The following POU3F3 variants were observed in gnomAD, a reference collection of about 807,000 sequenced individuals.
POU3F3 encodes the protein POU domain, class 3, transcription factor 3.
A neutral mutation model predicts 8.6 loss-of-function variants in POU3F3; 1 was observed. The ratio of observed to expected loss-of-function variants is 0.12; its 90% CI spans 0.04 to 0.55. POU3F3 has a LOEUF of 0.55. Among genes scored for constraint, POU3F3 ranks in the 20% least tolerant of loss-of-function variants. The probability of loss-of-function intolerance (pLI) is 0.91; values close to 1 mark genes in which losing one functional copy is unlikely to be tolerated. For synonymous variants in POU3F3, 418 were observed against 327.4 expected, an observed-to-expected ratio of 1.28 and a Z score of -2.99; for missense variants, 577 against 690.7, an observed-to-expected ratio of 0.84 and a Z score of 1.84.
the POU3F3 span, among the ~76,000 whole-genome samples, chr2:104,877,984 C>T: frequency 3.3e-5 from 5 of 152,208 alleles, no homozygotes; most frequent in Non-Finnish European, 7.3e-5. Context: ...TGTACAATGA[C>T]CCTTCTTCCC....
Position 104,857,912 on chromosome 2 carries a change from C to A in POU3F3, c.*899C>A, listed in dbSNP as rs1388784873. On this transcript the variant is annotated 3_prime_UTR_variant, in exon 1 of 1. Transcript: ENST00000361360. ...GTCCGCTGAGGAGTGGCGAGAGGCC[C>A]CGGCCGAGTCGGGTCGCGGGCGGGC... 6.6e-6 allele frequency: 1 copy of A among 152,088 alleles called. No homozygotes were observed. Among genetic ancestry groups the A allele is most frequent in the Admixed American group, 6.5e-5 (1 of 15,268 alleles). 9.4% of individuals were successfully genotyped at this position (152,088 alleles called of 1,614,324 possible). A position where few individuals can be genotyped will look rare whatever the true frequency, so the allele number is the denominator to read the frequency against.
At chr2:104,881,992 A>G in the POU3F3 span, among the ~76,000 whole-genome samples, 1 of 152,262 alleles carries the variant, frequency 6.6e-6, no homozygotes, top group Non-Finnish European at 1.5e-5. Context: ...CCTGGACTTT[A>G]AAGAAAATAA....
At chr2:104,921,183 CAG>C in the POU3F3 span, among the ~76,000 whole-genome samples, 4 of 152,126 alleles carry the variant, frequency 2.6e-5, no homozygotes, top group East Asian at 7.7e-4. Context: ...CCAGCAGTGA[CAG>C]AGGCGAGGAG....
chr2:104,868,678 GC>G, the POU3F3 span, among the ~76,000 whole-genome samples: 1 of 152,164 alleles, frequency 6.6e-6, no homozygotes, highest in East Asian at 1.9e-4. Flanking sequence ...CTGCCTTGGG[GC>G]CTGCTCTGAA....
rs1349829797 is a variant in POU3F3, at chr2:104,856,179, G to A, written c.669G>A (p.Ser223=). 3 of 1,268,584 alleles carry A rather than the reference G, an allele frequency of 2.4e-6. No individual in the cohort carries two copies. Among genetic ancestry groups the A allele is most frequent in the Admixed American group, 4.0e-5 (1 of 25,046 alleles). 78.6% of individuals were successfully genotyped at this position (1,268,584 alleles called of 1,614,324 possible). The change falls in exon 1 of 1, where the codon TCG becomes TCA. Residue 223 remains serine (S), a synonymous_variant. Coordinates refer to ENST00000361360, the MANE Select transcript of POU3F3 (RefSeq NM_006236.3). The stretch of plus-strand genomic sequence containing the variant: ...CGCCGCCGCAGAGTCTGCTCTACTC[G>A]CAGCCCGGAGGCTTCACGGTGAACG... ...QQPPPQSLLY[S]QPGGFTVNGM...
At chr2:104,909,138 A>G in the POU3F3 span, among the ~76,000 whole-genome samples, 2 of 152,224 alleles carry the variant, frequency 1.3e-5, no homozygotes. Flanking sequence ...AAGAAATAAA[A>G]TTAATCGTGT....
At chr2:104,863,172 ATTAT>A (rs1676686300), downstream of POU3F3, among the ~76,000 whole-genome samples, 1 of 135,514 alleles carries the variant, frequency 7.4e-6, no homozygotes, top group South Asian at 2.3e-4. Context: ...TATTATTATT[ATTAT>A]TATTATTATT....
the POU3F3 span, among the ~76,000 whole-genome samples, chr2:104,922,339 C>T: frequency 7.4e-6 from 1 of 135,042 alleles, no homozygotes; most frequent in East Asian, 2.2e-4. Context: ...GGAGAAAGAC[C>T]AGATGACAGC....
At chr2:104,878,960 C>T in the POU3F3 span, among the ~76,000 whole-genome samples, 1 of 151,942 alleles carries the variant, frequency 6.6e-6, no homozygotes, top group Admixed American at 6.6e-5. Context: ...AAATACAACA[C>T]ATAGCACACT....
the POU3F3 span, among the ~76,000 whole-genome samples, chr2:104,920,696 G>T: frequency 6.6e-6 from 1 of 151,934 alleles, no homozygotes; most frequent in East Asian, 1.9e-4. Flanking sequence ...CATATTTTAG[G>T]CACTTCTAGT....
the POU3F3 span, among the ~76,000 whole-genome samples, chr2:104,863,815 G>A: frequency 5.9e-5 from 9 of 152,210 alleles, no homozygotes; most frequent in Non-Finnish European, 1.2e-4. Context: ...CCCCATGTGC[G>A]GGCAGAAGAA....
the POU3F3 span, among the ~76,000 whole-genome samples, chr2:104,926,300 G>A: frequency 6.6e-6 from 1 of 152,150 alleles, no homozygotes; most frequent in African/African-American, 2.4e-5. Context: ...TGAAGGATAT[G>A]AACAGACACT....
chr2:104,892,676 T>C, the POU3F3 span, among the ~76,000 whole-genome samples: 7 of 150,742 alleles, frequency 4.6e-5, no homozygotes, highest in African/African-American at 1.7e-4. Context: ...TATACACATA[T>C]GTGTGTGTGT....
the POU3F3 span, among the ~76,000 whole-genome samples, chr2:104,915,481 G>T: frequency 6.6e-6 from 1 of 152,096 alleles, no homozygotes; most frequent in Non-Finnish European, 1.5e-5. Flanking sequence ...ATTAGCACAA[G>T]GAATGAAAAA....
chr2:104,877,026 A>G, the POU3F3 span, among the ~76,000 whole-genome samples: 1 of 151,504 alleles, frequency 6.6e-6, no homozygotes, highest in Non-Finnish European at 1.5e-5. Flanking sequence ...CTTAAGACAA[A>G]AGGAAAAATC....
chr2:104,922,423 C>A, the POU3F3 span, among the ~76,000 whole-genome samples: 37 of 130,882 alleles, frequency 2.8e-4, 1 homozygote, highest in Non-Finnish European at 3.3e-4. Context: ...GAAAGGAAAT[C>A]ATGTAAAAAG....
chr2:104,902,504 A>G, the POU3F3 span, among the ~76,000 whole-genome samples: 1 of 152,160 alleles, frequency 6.6e-6, no homozygotes, highest in Non-Finnish European at 1.5e-5. Context: ...GATTATTTTA[A>G]TAGTCTCAAA....
the POU3F3 span, among the ~76,000 whole-genome samples, chr2:104,904,610 A>G: frequency 1.3e-4 from 20 of 152,140 alleles, no homozygotes; most frequent in African/African-American, 4.6e-4. Flanking sequence ...AGGAACATTT[A>G]TAGTGTTCCT....
the POU3F3 span, among the ~76,000 whole-genome samples, chr2:104,895,313 A>G: frequency 6.6e-6 from 1 of 152,236 alleles, no homozygotes; most frequent in Non-Finnish European, 1.5e-5. Flanking sequence ...ACAACAAAAT[A>G]CAAGCAGGCG....
Sources: allele counts gnomAD v4.1 joint callset (sites outside exome capture counted in the v4.1 genomes callset), GRCh38; gene constraint gnomAD v4.1.1; transcripts MANE v1.5; gene names NCBI Gene and HGNC (gene_info 2026-07-23, HGNC 2026-07-21).